The following FAM107B variants were observed in gnomAD, a reference collection of about 807,000 sequenced individuals.
The protein encoded by FAM107B is family with sequence similarity 107 member B, also known as protein FAM107B.
Under a neutral mutation model 31.5 loss-of-function variants are expected in FAM107B, and 21 were observed. That is an observed-to-expected ratio of 0.67 (90% CI 0.47 to 0.96). The LOEUF (loss-of-function observed/expected upper bound fraction) is 0.96. Among genes scored for constraint, FAM107B ranks in the 40% least tolerant of loss-of-function variants. The pLI is 0.00. For synonymous variants in FAM107B, 157 were observed against 141.5 expected (o/e 1.11, Z -0.78); for missense variants, 452 against 377.1 (o/e 1.20, Z -1.64).
At chr10:14,685,742 G>T (rs140190504) in intron 1 of FAM107B, among the ~76,000 whole-genome samples, 3 of 152,268 alleles carry the variant, frequency 2.0e-5, no homozygotes, top group East Asian at 3.9e-4. Flanking sequence ...TTCTGAGTTT[G>T]GGTTTTATAT....
intron 2 of FAM107B, among the ~76,000 whole-genome samples, chr10:14,644,857 G>A (rs762805212): frequency 3.5e-4 from 53 of 152,086 alleles, no homozygotes; most frequent in African/African-American, 6.3e-4. Flanking sequence ...CATCATCTTC[G>A]TGGCCAGCTG....
chr10:14,619,810 A>T (rs1232828712), intron 2 of FAM107B, among the ~76,000 whole-genome samples: 6 of 149,414 alleles, frequency 4.0e-5, no homozygotes, highest in Non-Finnish European at 7.4e-5. Context: ...TCTTACATTT[A>T]GGTCTATGAC....
chr10:14,768,537 G>A (rs552312145), intron 1 of FAM107B, among the ~76,000 whole-genome samples: 51 of 152,212 alleles, frequency 3.4e-4, no homozygotes, highest in Non-Finnish European at 6.9e-4. Flanking sequence ...CACTCAATGG[G>A]GAAAAGACAG....
intron 2 of FAM107B, among the ~76,000 whole-genome samples, chr10:14,558,731 G>C (rs1588582193): frequency 6.6e-6 from 1 of 152,108 alleles, no homozygotes; most frequent in African/African-American, 2.4e-5. Context: ...TAAGTGTGTG[G>C]AGCTGGAGAC....
chr10:14,628,757 G>A (rs1470871571), intron 2 of FAM107B, among the ~76,000 whole-genome samples: 4 of 152,164 alleles, frequency 2.6e-5, no homozygotes, highest in Non-Finnish European at 5.9e-5. Context: ...TGAGAACTGT[G>A]TATGGTGGCT....
chr10:14,520,174 T>C lies in FAM107B; in HGVS notation c.*1016A>G, dbSNP rs1845499824. 6.6e-6 allele frequency: 1 copy of C among 152,482 alleles called. No homozygotes were observed. Among genetic ancestry groups the C allele is most frequent in the Non-Finnish European group, 1.5e-5 (1 of 68,044 alleles). The allele number at this position is 152,482 out of a possible 1,614,324, so 9.4% of individuals were successfully genotyped here. The stretch of plus-strand genomic sequence containing the variant: ...TGGATTCTAATGATATGCATTATCA[T>C]TAGACATTCAAATGCTATACATCTT... On this transcript the variant is annotated 3_prime_UTR_variant, in exon 5 of 5. Transcript: ENST00000181796.
chr10:14,741,558 C>A (rs985340066), intron 1 of FAM107B, among the ~76,000 whole-genome samples: 1 of 152,078 alleles, frequency 6.6e-6, no homozygotes, highest in Non-Finnish European at 1.5e-5. Context: ...AACACTGACC[C>A]CAGATCTGAG....
At chr10:14,696,656 C>T (rs577095563) in intron 1 of FAM107B, among the ~76,000 whole-genome samples, 2 of 152,146 alleles carry the variant, frequency 1.3e-5, no homozygotes, top group South Asian at 2.1e-4. Context: ...TGGGAGGTTT[C>T]GATTACTTCT....
intron 2 of FAM107B, among the ~76,000 whole-genome samples, chr10:14,655,752 G>T (rs147916517): frequency 5.8e-4 from 89 of 152,332 alleles, no homozygotes; most frequent in African/African-American, 2.0e-3. Context: ...GATTTATGCA[G>T]CTGGCTACTC....
intron 1 of FAM107B, among the ~76,000 whole-genome samples, chr10:14,689,531 T>C (rs1455491199): frequency 6.6e-6 from 1 of 152,060 alleles, no homozygotes; most frequent in African/African-American, 2.4e-5. Flanking sequence ...CTGACGGTAA[T>C]GAGAGGTAAG....
intron 1 of FAM107B, among the ~76,000 whole-genome samples, chr10:14,714,281 G>A (rs1231376412): frequency 2.0e-5 from 3 of 152,178 alleles, no homozygotes; most frequent in African/African-American, 4.8e-5. Flanking sequence ...AGGGGGCTGG[G>A]TGGAGGCCCC....
chr10:14,677,540 G>A (rs1211217723), intron 1 of FAM107B, among the ~76,000 whole-genome samples: 2 of 152,184 alleles, frequency 1.3e-5, no homozygotes, highest in South Asian at 2.1e-4. Context: ...AGAATGGCGC[G>A]AACCCGGGAG....
At chr10:14,588,812 G>C (rs1323021145) in intron 2 of FAM107B, among the ~76,000 whole-genome samples, 3 of 152,100 alleles carry the variant, frequency 2.0e-5, no homozygotes, top group African/African-American at 7.2e-5. Flanking sequence ...GAGTGAAAAG[G>C]AGGAAGAAGA....
chr10:14,684,827 C>CT (rs55845510), intron 1 of FAM107B, among the ~76,000 whole-genome samples: 8,617 of 147,600 alleles, frequency 0.058, 836 homozygotes, highest in African/African-American at 0.2. Flanking sequence ...TTTTGTTTTT[C>CT]TTTTTTTTTT....
chr10:14,642,975 C>T (rs1853665776), intron 2 of FAM107B, among the ~76,000 whole-genome samples: 1 of 152,152 alleles, frequency 6.6e-6, no homozygotes, highest in African/African-American at 2.4e-5. Context: ...CAAATTCTTC[C>T]AGCCTCTACC....
At chr10:14,562,620 G>A (rs1041310760) in intron 2 of FAM107B, among the ~76,000 whole-genome samples, 7 of 152,178 alleles carry the variant, frequency 4.6e-5, no homozygotes, top group Admixed American at 3.3e-4. Context: ...ACAAAATTCT[G>A]GAAGTAGCAA....
Position 14,667,658 on chromosome 10 carries a change from C to G in FAM107B, c.445G>C (p.Glu149Gln). Residue 149 changes from glutamate (E) to glutamine (Q), a missense_variant, in exon 2 of 5, where the codon GAG becomes CAG. Coordinates refer to ENST00000181796, the MANE Select transcript of FAM107B (RefSeq NM_031453.4). ...EEFREEPKCL[E>Q]LEQKMTSDSP... ...CCTGATGTCATTTTCTGCTCCAGCT[C>G]GAGGCATTTAGGTTCTTCTCGAAAT... is the stretch of plus-strand genomic sequence containing the variant. 4.3e-6 allele frequency: 7 copies of G among 1,614,160 alleles called. No individual in the cohort carries two copies. The highest frequency in any genetic ancestry group is 5.9e-6 in the Non-Finnish European group (7 of 1,180,004).
chr10:14,720,908 G>A (rs563965818), intron 1 of FAM107B, among the ~76,000 whole-genome samples: 65 of 151,854 alleles, frequency 4.3e-4, no homozygotes, highest in African/African-American at 1.3e-3. Flanking sequence ...GGTTTGTTAC[G>A]TAGGTATACG....
At chr10:14,540,510 C>T (rs900516065) in intron 2 of FAM107B, among the ~76,000 whole-genome samples, 25 of 152,288 alleles carry the variant, frequency 1.6e-4, no homozygotes, top group Admixed American at 5.2e-4. Flanking sequence ...CTTGCTGATG[C>T]GAAGGCAGCC....
Sources: gnomAD v4.1 joint callset for allele counts (sites outside exome capture counted in the v4.1 genomes callset) on GRCh38, gnomAD v4.1.1 for gene constraint, MANE v1.5 for transcripts, NCBI Gene and HGNC (gene_info 2026-07-23, HGNC 2026-07-21) for gene names.